Variants in KLF8 observed in about 807,000 individuals in gnomAD.
KLF8 encodes Krueppel-like factor 8.
KLF8 carries 10 observed loss-of-function variants against 18.2 expected under a neutral mutation model. The observed-to-expected ratio is 0.55, with a 90% CI of 0.34 to 0.93. The LOEUF is 0.93. KLF8 is among the 40% of genes least tolerant of loss of function. The pLI is 0.02. For synonymous variants in KLF8, 109 were observed against 97.3 expected (o/e 1.12, Z -0.71); for missense variants, 264 against 277.9 (o/e 0.95, Z 0.36).
the KLF8 span, among the ~76,000 whole-genome samples, chrX:55,973,087 A>C: frequency 8.9e-6 from 1 of 112,403 alleles, no homozygotes; most frequent in African/African-American, 3.2e-5. Flanking sequence ...GATCTTCAAC[A>C]AAATTTCAAT....
the KLF8 span, among the ~76,000 whole-genome samples, chrX:56,182,194 G>A: frequency 4.5e-5 from 5 of 111,108 alleles, no homozygotes; most frequent in South Asian, 3.8e-4. Flanking sequence ...TTCTCTTCTC[G>A]CTTCATTTCA....
chrX:55,990,294 G>A, the KLF8 span, among the ~76,000 whole-genome samples: 3 of 111,641 alleles, frequency 2.7e-5, no homozygotes, highest in East Asian at 2.8e-4. Flanking sequence ...TGTGATGTTA[G>A]GGTGTCAATT....
chrX:56,176,288 G>T, the KLF8 span, among the ~76,000 whole-genome samples: 1 of 111,556 alleles, frequency 9.0e-6, no homozygotes, highest in Non-Finnish European at 1.9e-5. Context: ...GTTCTTTTAG[G>T]GCAGGCCCGG....
the KLF8 span, among the ~76,000 whole-genome samples, chrX:56,175,021 A>G: frequency 7.2e-5 from 8 of 110,866 alleles, no homozygotes; most frequent in African/African-American, 2.6e-4. Context: ...CAGTCTATCA[A>G]TTTTGGTGAT....
the KLF8 span, among the ~76,000 whole-genome samples, chrX:55,972,882 A>G: frequency 8.9e-6 from 1 of 112,274 alleles, no homozygotes; most frequent in Middle Eastern, 4.6e-3. Context: ...AGTCATATTG[A>G]ACCAACAAAG....
At chrX:56,181,447 T>A in the KLF8 span, among the ~76,000 whole-genome samples, 1 of 111,563 alleles carries the variant, frequency 9.0e-6, no homozygotes, top group Non-Finnish European at 1.9e-5. Flanking sequence ...TCAATTGGAG[T>A]ATTTAGCCCA....
chrX:56,172,740 T>C, the KLF8 span, among the ~76,000 whole-genome samples: 2 of 111,993 alleles, frequency 1.8e-5, no homozygotes, highest in Non-Finnish European at 3.8e-5. Flanking sequence ...AAAGTGTTCC[T>C]ATTTCTCCAC....
the KLF8 span, among the ~76,000 whole-genome samples, chrX:56,126,747 T>C: frequency 1.1e-5 from 1 of 90,883 alleles, no homozygotes; most frequent in Non-Finnish European, 2.2e-5. Context: ...TTTCTTTCTT[T>C]CTTTCTTTTT....
chrX:55,979,419 G>A, the KLF8 span, among the ~76,000 whole-genome samples: 2 of 111,746 alleles, frequency 1.8e-5, no homozygotes, highest in African/African-American at 6.5e-5. Context: ...ACTATCCATG[G>A]TTTCAGGCAT....
At chrX:56,050,459 T>C in the KLF8 span, among the ~76,000 whole-genome samples, 6 of 112,329 alleles carry the variant, frequency 5.3e-5, no homozygotes, top group East Asian at 1.4e-3. Flanking sequence ...GAGATTCTGG[T>C]ATGTTGTGTC....
At chrX:55,951,386 G>C in the KLF8 span, among the ~76,000 whole-genome samples, 7 of 106,736 alleles carry the variant, frequency 6.6e-5, no homozygotes, top group East Asian at 1.5e-3. Context: ...TGAGGCAGGA[G>C]AATCGCTTCA....
At chrX:56,001,715 A>G in the KLF8 span, among the ~76,000 whole-genome samples, 3 of 111,769 alleles carry the variant, frequency 2.7e-5, no homozygotes, top group Non-Finnish European at 5.6e-5. Flanking sequence ...CAACTCCACA[A>G]AAACTTCCCT....
chrX:56,179,895 T>G, the KLF8 span, among the ~76,000 whole-genome samples: 2 of 111,941 alleles, frequency 1.8e-5, no homozygotes, highest in African/African-American at 6.5e-5. Flanking sequence ...AGTTTGCCAG[T>G]ATTTTATTGA....
the KLF8 span, among the ~76,000 whole-genome samples, chrX:56,184,375 C>T: frequency 5.3e-5 from 6 of 112,453 alleles, no homozygotes; most frequent in African/African-American, 1.9e-4. Flanking sequence ...CCAGGAAGCT[C>T]GAACTGGGTG....
At chrX:56,161,588 G>A in the KLF8 span, among the ~76,000 whole-genome samples, 1 of 111,775 alleles carries the variant, frequency 8.9e-6, no homozygotes, top group Non-Finnish European at 1.9e-5. Flanking sequence ...CATTCGTCAC[G>A]TACTTCTTAT....
At chrX:56,048,265 A>T in the KLF8 span, among the ~76,000 whole-genome samples, 2 of 111,355 alleles carry the variant, frequency 1.8e-5, no homozygotes. Context: ...GAAGCTCTTT[A>T]GTTTAATTAG....
the KLF8 span, among the ~76,000 whole-genome samples, chrX:56,206,529 T>A: frequency 8.9e-6 from 1 of 112,294 alleles, no homozygotes; most frequent in Non-Finnish European, 1.9e-5. Context: ...GGCAGTCAAA[T>A]GTTAAAGCTC....
chrX:56,060,907 C>T, the KLF8 span, among the ~76,000 whole-genome samples: 1 of 111,550 alleles, frequency 9.0e-6, no homozygotes, highest in African/African-American at 3.3e-5. Context: ...CGACTTCTTA[C>T]TGGTTTAGTC....
chrX:56,192,264 C>A, the KLF8 span, among the ~76,000 whole-genome samples: 2 of 111,143 alleles, frequency 1.8e-5, no homozygotes, highest in Non-Finnish European at 3.8e-5. Flanking sequence ...TTAATTTAAC[C>A]AAAGAAATAA....
Sources: allele counts gnomAD v4.1 joint callset (sites outside exome capture counted in the v4.1 genomes callset), GRCh38; gene constraint gnomAD v4.1.1; transcripts MANE v1.5; gene names NCBI Gene and HGNC (gene_info 2026-07-23, HGNC 2026-07-21).